The following P2RY2 variants were observed in gnomAD, a reference collection of about 807,000 sequenced individuals.
P2RY2 encodes purinergic receptor P2Y2.
For synonymous variants in P2RY2, 241 were observed against 231.9 expected (o/e 1.04, Z -0.35); for missense variants, 567 against 515.7 (o/e 1.10, Z -0.96).
At chr11:73,219,051 C>G (rs7934353) in intron 1 of P2RY2, among the ~76,000 whole-genome samples, 133,458 of 152,168 alleles carry the variant, frequency 0.88, 59,322 homozygotes, top group East Asian at 1. Flanking sequence ...ACCCCACCCC[C>G]CAACCCGAAG....
In P2RY2 at chr11:73,234,389, T is replaced by C. The variant is rs148391446; in HGVS notation, c.230T>C (p.Val77Ala). ...ACCACATATATGTTCCACCTGGCTG[T>C]GTCTGATGCACTGTATGCGGCCTCC... The part of the protein sequence containing the change: ...ASTTYMFHLA[V>A]SDALYAASLP... The change falls in exon 3 of 3, where the codon GTG becomes GCG. Residue 77 changes from valine (V) to alanine (A), a missense_variant. Physicochemically the swap from Val to Ala is moderately conservative, Grantham distance 64 (BLOSUM62 0). Transcript: ENST00000393597. 7.1e-4 allele frequency: 1,154 copies of C among 1,614,128 alleles called. No individual in the cohort carries two copies. The highest frequency in any genetic ancestry group is 9.6e-4 in the Non-Finnish European group (1,135 of 1,180,044).
Position 73,234,297 on chromosome 11 carries a change from T to G in P2RY2, c.138T>G (p.Pro46=), listed in dbSNP as rs781091006. The G allele has an allele frequency of 1.9e-6, 3 of 1,613,814 alleles. No individual in the cohort carries two copies. The Admixed American group carries it at 5.0e-5, about 27-fold the overall frequency. ...LPVSYGVVCV[P]GLCLNAVALY... ...TGTCCTACGGCGTGGTGTGCGTGCC[T>G]GGGCTGTGTCTGAACGCCGTGGCGC... Residue 46 remains proline, a synonymous_variant, in exon 3 of 3, where the codon CCT becomes CCG. Coordinates refer to ENST00000393597, the MANE Select transcript of P2RY2 (RefSeq NM_002564.4).
Position 73,235,564 on chromosome 11 carries a change from A to C in P2RY2, c.*271A>C. On this transcript the variant is annotated 3_prime_UTR_variant, in exon 3 of 3. Transcript: ENST00000393597. Reference sequence around the variant, plus strand: ...CAAGGTCAATGACACCCCTGGCCTGACTCCCATGCAAGTAGCTGGCTGTAC... The same window carrying C: ...CAAGGTCAATGACACCCCTGGCCTGCCTCCCATGCAAGTAGCTGGCTGTAC... 1 of 1,166,528 alleles carries C rather than the reference A, an allele frequency of 8.6e-7. No individual in the cohort carries two copies. The highest frequency in any genetic ancestry group is 4.0e-5 in the South Asian group (1 of 24,876). 72.3% of individuals were successfully genotyped at this position (1,166,528 alleles called of 1,614,324 possible). A position where few individuals can be genotyped will look rare whatever the true frequency, so the allele number is the denominator to read the frequency against.
intron 1 of P2RY2, among the ~76,000 whole-genome samples, chr11:73,225,557 G>A (rs990340841): frequency 1.7e-4 from 25 of 146,452 alleles, no homozygotes; most frequent in Non-Finnish European, 3.6e-4. Flanking sequence ...AAAAAGGGAT[G>A]GTCAGGCAGC....
chr11:73,230,554 T>C (rs893722520), intron 2 of P2RY2, among the ~76,000 whole-genome samples: 6 of 152,084 alleles, frequency 3.9e-5, no homozygotes, highest in Admixed American at 6.5e-5. Context: ...TTCTAGTAAT[T>C]GTCCCATTTT....
At chr11:73,218,937 G>A (rs1450400592) in intron 1 of P2RY2, among the ~76,000 whole-genome samples, 1 of 152,314 alleles carries the variant, frequency 6.6e-6, no homozygotes, top group East Asian at 1.9e-4. Flanking sequence ...CAGGGAGTGG[G>A]CGGGGGAGGA....
At chr11:73,221,862 T>C (rs1862126442) in intron 1 of P2RY2, among the ~76,000 whole-genome samples, 1 of 152,140 alleles carries the variant, frequency 6.6e-6, no homozygotes, top group Admixed American at 6.5e-5. Flanking sequence ...CAGGTTGGGC[T>C]CAGAGCAGCT....
chr11:73,226,876 C>G (rs539007501), intron 1 of P2RY2, among the ~76,000 whole-genome samples: 2 of 152,264 alleles, frequency 1.3e-5, no homozygotes, highest in African/African-American at 4.8e-5. Flanking sequence ...TACTGTGAGG[C>G]TTGGGCCTCA....
chr11:73,221,742 G>A (rs1862122038), intron 1 of P2RY2, among the ~76,000 whole-genome samples: 1 of 152,176 alleles, frequency 6.6e-6, no homozygotes, highest in Admixed American at 6.5e-5. Context: ...GGCCCTGATA[G>A]GAGGAGGCTG....
intron 1 of P2RY2, among the ~76,000 whole-genome samples, chr11:73,222,063 A>G (rs1188157488): frequency 6.6e-6 from 1 of 152,158 alleles, no homozygotes; most frequent in East Asian, 1.9e-4. Flanking sequence ...GAGGGTGAGC[A>G]GCCTGGGCCC....
Position 73,236,036 on chromosome 11 carries a change from C to G in P2RY2, c.*743C>G, listed in dbSNP as rs1286410141. ...CAATCCGTTCCCTTCTGCCACCTGC[C>G]TTCTCACTAGCTGTCTCAGGAGTAG... On this transcript the variant is annotated 3_prime_UTR_variant, in exon 3 of 3. Coordinates refer to ENST00000393597, the MANE Select transcript of P2RY2 (RefSeq NM_002564.4). 2.0e-6 allele frequency: 2 copies of G among 999,872 alleles called. No homozygotes were observed. Among genetic ancestry groups the G allele is most frequent in the African/African-American group, 3.5e-5 (2 of 57,232 alleles). The allele number at this position is 999,872 out of a possible 1,614,324, so 61.9% of individuals were successfully genotyped here. A position where few individuals can be genotyped will look rare whatever the true frequency, so the allele number is the denominator to read the frequency against.
rs1402997376 is a variant in P2RY2 at position 73,234,545 on chromosome 11, T to C, written c.386T>C (p.Val129Ala). ...ATCCTCTTCCTCACCTGCATCAGCG[T>C]GCACCGGTGTCTGGGCGTCTTACGA... ...CSILFLTCIS[V>A]HRCLGVLRPL... The change falls in exon 3 of 3, where the codon GTG becomes GCG. Residue 129 changes from valine (V) to alanine (A), a missense_variant. Val to Ala is a moderately conservative substitution (Grantham distance 64). Coordinates refer to ENST00000393597, the MANE Select transcript of P2RY2 (RefSeq NM_002564.4). 23 of 1,601,278 alleles carry C rather than the reference T, an allele frequency of 1.4e-5. No individual in the cohort carries two copies. Among genetic ancestry groups the C allele is most frequent in the Non-Finnish European group, 1.9e-5 (22 of 1,172,730 alleles).
chr11:73,221,729 C>G (rs1371923170), intron 1 of P2RY2, among the ~76,000 whole-genome samples: 1 of 152,178 alleles, frequency 6.6e-6, no homozygotes, highest in Non-Finnish European at 1.5e-5. Context: ...TCCCTTATTA[C>G]TGGGCCCTGA....
At chr11:73,226,121 T>C (rs1315477455) in intron 1 of P2RY2, among the ~76,000 whole-genome samples, 1 of 152,150 alleles carries the variant, frequency 6.6e-6, no homozygotes, top group Non-Finnish European at 1.5e-5. Flanking sequence ...GCGTAGTGCA[T>C]GTCCGAGGAA....
intron 1 of P2RY2, among the ~76,000 whole-genome samples, chr11:73,220,676 T>C (rs963646685): frequency 1.3e-5 from 2 of 152,204 alleles, no homozygotes; most frequent in Non-Finnish European, 2.9e-5. Context: ...AAAAGGCTTG[T>C]CGCTCTTTCT....
rs1862332472 is a variant in P2RY2 at position 73,228,101 on chromosome 11, C to G, written c.-79C>G. 1 of 150,428 alleles carries G rather than the reference C, an allele frequency of 6.6e-6. No individual in the cohort carries two copies. The highest frequency in any genetic ancestry group is 2.0e-4 in the East Asian group (1 of 5,100). The allele number at this position is 150,428 out of a possible 1,614,324, so 9.3% of individuals were successfully genotyped here. ...AGTTCCCTGCAGCCCGGTCCAGGTC[C>G]AGGCGTGTGCATTCATGAGTGAGGA... On this transcript the variant is annotated 5_prime_UTR_variant, in exon 2 of 3. Transcript: ENST00000393597.
chr11:73,219,412 G>A (rs907340497), intron 1 of P2RY2, among the ~76,000 whole-genome samples: 6 of 152,206 alleles, frequency 3.9e-5, no homozygotes, highest in South Asian at 2.1e-4. Flanking sequence ...TGGGCAAGCC[G>A]TCCTTTCTCT....
intron 1 of P2RY2, among the ~76,000 whole-genome samples, chr11:73,221,750 C>T (rs1862122494): frequency 6.6e-6 from 1 of 152,150 alleles, no homozygotes; most frequent in African/African-American, 2.4e-5. Flanking sequence ...TAGGAGGAGG[C>T]TGGCTGTGTG....
At chr11:73,233,190 G>A (rs1862510579) in intron 2 of P2RY2, among the ~76,000 whole-genome samples, 1 of 152,246 alleles carries the variant, frequency 6.6e-6, no homozygotes, top group Admixed American at 6.5e-5. Context: ...ACTCTTCACG[G>A]GGGTTACTTC....
Sources: allele counts gnomAD v4.1 joint callset (sites outside exome capture counted in the v4.1 genomes callset), GRCh38; gene constraint gnomAD v4.1.1; transcripts MANE v1.5; gene names NCBI Gene and HGNC (gene_info 2026-07-23, HGNC 2026-07-21).